Variants in HS3ST3A1 observed in about 807,000 individuals in gnomAD.
HS3ST3A1 encodes heparan sulfate glucosamine 3-O-sulfotransferase 3A1.
In HS3ST3A1, 19 loss-of-function variants were observed where a neutral mutation model predicts 25.7. That is an observed-to-expected ratio of 0.74 (90% confidence interval 0.52 to 1.08). HS3ST3A1 has a LOEUF of 1.08. Ranked by LOEUF, HS3ST3A1 falls within the 50% of genes least tolerant of loss-of-function variation. The pLI is 0.00. For synonymous variants in HS3ST3A1, 226 were observed against 278.6 expected (o/e 0.81, Z 1.88); for missense variants, 459 against 594.3 (o/e 0.77, Z 2.37).
intron 1 of HS3ST3A1, among the ~76,000 whole-genome samples, chr17:13,515,852 G>A (rs957810152): frequency 4.6e-5 from 7 of 152,062 alleles, no homozygotes; most frequent in African/African-American, 1.7e-4. Context: ...ATAGTTGTGT[G>A]GTGGTATCAC....
intron 1 of HS3ST3A1, among the ~76,000 whole-genome samples, chr17:13,521,071 T>C (rs957830851): frequency 1.8e-4 from 27 of 152,204 alleles, no homozygotes; most frequent in Admixed American, 1.8e-3. Context: ...GACACCCTTT[T>C]TTCTACATGG....
In HS3ST3A1 at chr17:13,495,558, G is replaced by A. The variant is rs1307286264; in HGVS notation, c.*639C>T. ...GACATGAAATAGGGAACAAGTGGAA[G>A]ATGGAATTTTGTCCAGGGTCCATCC... On this transcript the variant is annotated 3_prime_UTR_variant, in exon 2 of 2. Transcript: ENST00000284110. 1 of 152,230 alleles carries A rather than the reference G, an allele frequency of 6.6e-6. No individual in the cohort carries two copies. Among genetic ancestry groups the A allele is most frequent in the African/African-American group, 2.4e-5 (1 of 41,456 alleles). The allele number at this position is 152,230 out of a possible 1,614,324, so 9.4% of individuals were successfully genotyped here.
chr17:13,520,405 C>T (rs1000689334), intron 1 of HS3ST3A1, among the ~76,000 whole-genome samples: 1 of 152,182 alleles, frequency 6.6e-6, no homozygotes, highest in East Asian at 1.9e-4. Context: ...ATCAGTCCTA[C>T]TGCACATTCG....
At chr17:13,569,455 A>G (rs925413487) in intron 1 of HS3ST3A1, among the ~76,000 whole-genome samples, 1 of 152,212 alleles carries the variant, frequency 6.6e-6, no homozygotes, top group African/African-American at 2.4e-5. Context: ...AACAGAGGCT[A>G]GGCATCCAAG....
At chr17:13,531,373 G>T (rs1288191188) in intron 1 of HS3ST3A1, among the ~76,000 whole-genome samples, 1 of 152,114 alleles carries the variant, frequency 6.6e-6, no homozygotes, top group Non-Finnish European at 1.5e-5. Flanking sequence ...TTTTCAAATG[G>T]CAGCTATAAT....
At chr17:13,582,024 C>G (rs1380920607) in intron 1 of HS3ST3A1, among the ~76,000 whole-genome samples, 2 of 152,068 alleles carry the variant, frequency 1.3e-5, no homozygotes, top group Admixed American at 6.6e-5. Context: ...TTTAAAATTA[C>G]CTTGACTTAA....
At chr17:13,558,951 T>TA (rs1245091461) in intron 1 of HS3ST3A1, among the ~76,000 whole-genome samples, 1 of 152,198 alleles carries the variant, frequency 6.6e-6, no homozygotes, top group Non-Finnish European at 1.5e-5. Context: ...TCAGGAATAA[T>TA]ACTGCTCTGT....
intron 1 of HS3ST3A1, among the ~76,000 whole-genome samples, chr17:13,594,882 A>G (rs1422080921): frequency 6.6e-6 from 1 of 152,108 alleles, no homozygotes; most frequent in Non-Finnish European, 1.5e-5. Flanking sequence ...TGAGACTGCA[A>G]ATATGCTCTA....
At chr17:13,560,406 A>G (rs1907508435) in intron 1 of HS3ST3A1, among the ~76,000 whole-genome samples, 1 of 146,346 alleles carries the variant, frequency 6.8e-6, no homozygotes, top group Non-Finnish European at 1.5e-5. Context: ...AACTCTATAT[A>G]TTCTTTCTGA....
At chr17:13,570,479 C>T (rs578015563) in intron 1 of HS3ST3A1, among the ~76,000 whole-genome samples, 86 of 152,208 alleles carry the variant, frequency 5.7e-4, no homozygotes, top group African/African-American at 2.0e-3. Flanking sequence ...AGGTTATTTC[C>T]TTTTTGTTTG....
intron 1 of HS3ST3A1, among the ~76,000 whole-genome samples, chr17:13,517,592 CAG>C (rs1192735607): frequency 8.0e-4 from 122 of 152,206 alleles, no homozygotes; most frequent in African/African-American, 2.8e-3. Flanking sequence ...TGAGATATTG[CAG>C]AGTGAGTCAG....
At chr17:13,527,980 A>G (rs1906488072) in intron 1 of HS3ST3A1, among the ~76,000 whole-genome samples, 1 of 152,130 alleles carries the variant, frequency 6.6e-6, no homozygotes, top group South Asian at 2.1e-4. Flanking sequence ...ACAGCTATCA[A>G]CATTCATTCT....
At chr17:13,504,140 C>T (rs779748248) in intron 1 of HS3ST3A1, among the ~76,000 whole-genome samples, 13 of 151,924 alleles carry the variant, frequency 8.6e-5, no homozygotes, top group African/African-American at 2.9e-4. Context: ...GGTGAAACCC[C>T]GTCTCTACCA....
At chr17:13,597,214 ATGTATG>A (rs1257140261) in intron 1 of HS3ST3A1, among the ~76,000 whole-genome samples, 2 of 152,246 alleles carry the variant, frequency 1.3e-5, no homozygotes, top group Middle Eastern at 3.4e-3. Context: ...ATACATACAT[ATGTATG>A]TGTATGTGTA....
At chr17:13,511,321 C>T (rs933908348) in intron 1 of HS3ST3A1, among the ~76,000 whole-genome samples, 1 of 152,052 alleles carries the variant, frequency 6.6e-6, no homozygotes, top group Non-Finnish European at 1.5e-5. Context: ...GGGCCAAATG[C>T]TGAGAACATA....
At chr17:13,555,482 G>A (rs1907347360) in intron 1 of HS3ST3A1, among the ~76,000 whole-genome samples, 1 of 152,162 alleles carries the variant, frequency 6.6e-6, no homozygotes. Context: ...ATGGGGCTGA[G>A]ACTCACCTGT....
At chr17:13,599,935 C>T (rs1005254921) in intron 1 of HS3ST3A1, among the ~76,000 whole-genome samples, 1 of 152,210 alleles carries the variant, frequency 6.6e-6, no homozygotes, top group African/African-American at 2.4e-5. Context: ...TATTGCCAAG[C>T]GTCCTTTAAA....
chr17:13,494,878 A>G lies in HS3ST3A1; in HGVS notation c.*1319T>C, dbSNP rs73980155. Reference sequence around the variant, plus strand: ...TTTTACCCACAAATGCATTTCCTAGAATATTTTTCCAAATATTACTGAACA... The same window carrying G: ...TTTTACCCACAAATGCATTTCCTAGGATATTTTTCCAAATATTACTGAACA... On this transcript the variant is annotated 3_prime_UTR_variant, in exon 2 of 2. Coordinates refer to ENST00000284110, the MANE Select transcript of HS3ST3A1 (RefSeq NM_006042.3). Among the ~76,000 whole-genome samples the G allele has an allele frequency of 0.015, 2,265 of 152,282 alleles. 82 individuals are homozygous for G. The highest frequency in any genetic ancestry group is 0.052 in the African/African-American group (2,147 of 41,556).
intron 1 of HS3ST3A1, among the ~76,000 whole-genome samples, chr17:13,509,334 C>T (rs550575970): frequency 1.3e-5 from 2 of 151,868 alleles, no homozygotes; most frequent in Non-Finnish European, 2.9e-5. Flanking sequence ...CAAACAAACT[C>T]GAAGGTTCAT....
Sources: gnomAD v4.1 joint callset for allele counts (sites outside exome capture counted in the v4.1 genomes callset) on GRCh38, gnomAD v4.1.1 for gene constraint, MANE v1.5 for transcripts, NCBI Gene and HGNC (gene_info 2026-07-23, HGNC 2026-07-21) for gene names.